Variants in SYNE2 observed in about 807,000 individuals in gnomAD.
SYNE2 encodes nesprin-2.
SYNE2 carries 431 observed loss-of-function variants against 856.3 expected under a neutral mutation model. The ratio of observed to expected loss-of-function variants is 0.50; its 90% CI spans 0.47 to 0.55. The LOEUF is 0.55. SYNE2 is among the 20% of genes least tolerant of loss of function. The pLI is 0.00. For synonymous variants in SYNE2, 2,923 were observed against 2,872.3 expected, an observed-to-expected ratio of 1.02 and a Z score of -0.56; for missense variants, 8,129 against 8,023.2, an observed-to-expected ratio of 1.01 and a Z score of -0.50.
At chr14:64,172,089 G>A (rs2098413969) in intron 94 of SYNE2, among the ~76,000 whole-genome samples, 1 of 152,136 alleles carries the variant, frequency 6.6e-6, no homozygotes, top group African/African-American at 2.4e-5. Context: ...GACCTCAGGT[G>A]ATCCACCCAC....
In SYNE2 at chr14:63,764,556, C is replaced by CTT. The variant is rs34093002; in HGVS notation, c.-305+2585_-305+2586dup. On this transcript the variant is annotated intron_variant, in intron 1 of 23. Transcript: ENST00000674003. ...AAAAAAAAAATCTGTTCTTTTGACTCTTTTTTTTTTTTTTTTGATTTATTT... is the reference window on the plus strand; with the variant it reads ...AAAAAAAAAATCTGTTCTTTTGACTCTTTTTTTTTTTTTTTTTTGATTTATTT... Among the ~76,000 whole-genome samples, 379 of 121,090 alleles carry CTT rather than the reference C, an allele frequency of 3.1e-3. 2 individuals are homozygous for CTT. In the Middle Eastern group the frequency reaches 0.035, roughly 11 times the overall value. The allele number at this position is 121,090 out of a possible 152,430, so 79.4% of individuals were successfully genotyped here.
intron 47 of SYNE2, 90 bp downstream of exon 47, chr14:64,049,966 T>C: frequency 1.4e-6 from 2 of 1,444,352 alleles, no homozygotes; most frequent in Non-Finnish European, 9.5e-7. Flanking sequence ...AGAGTTTATA[T>C]TGTGAAAGGA....
At chr14:64,181,472 C>T (rs1391236981) in intron 96 of SYNE2, among the ~76,000 whole-genome samples, 1 of 152,218 alleles carries the variant, frequency 6.6e-6, no homozygotes, top group African/African-American at 2.4e-5. Flanking sequence ...AAGTATCACA[C>T]TTCTCAGTTT....
chr14:63,930,151 G>A (rs2095729756), intron 2 of SYNE2, among the ~76,000 whole-genome samples: 2 of 152,032 alleles, frequency 1.3e-5, no homozygotes. Context: ...GCTGGGCATG[G>A]TGGCATTTGC....
At chr14:64,139,638 C>T (rs1443248591) in intron 79 of SYNE2, among the ~76,000 whole-genome samples, 1 of 151,966 alleles carries the variant, frequency 6.6e-6, no homozygotes, top group Non-Finnish European at 1.5e-5. Flanking sequence ...GTCTCGAACT[C>T]CTGACCTCAG....
chr14:64,069,951 G>A (rs2097391613), intron 51 of SYNE2, among the ~76,000 whole-genome samples: 1 of 152,236 alleles, frequency 6.6e-6, no homozygotes, highest in African/African-American at 2.4e-5. Flanking sequence ...TTTGATAAAT[G>A]AGTACTGCAG....
intron 71 of SYNE2, 38 bp from the exon 72 acceptor site, chr14:64,126,288 GT>G: frequency 6.3e-7 from 1 of 1,579,114 alleles, no homozygotes. Context: ...GAAGGCAAAG[GT>G]ATCTTAATTT....
At position 63,967,768 on chromosome 14, in the gene SYNE2, G is replaced by C; in HGVS notation, c.1050G>C (p.Leu350=). Reference sequence around the variant, plus strand: ...AAAAAAAGTCCTTTTTGGATGTCCTGTCAATAAAACGGGATCTGGATGAGC... The same window carrying C: ...AAAAAAAGTCCTTTTTGGATGTCCTCTCAATAAAACGGGATCTGGATGAGC... The part of the protein sequence containing the change: ...NEEKKSFLDV[L]SIKRDLDELD... Residue 350 remains leucine, a synonymous_variant, in exon 11 of 116, where the codon CTG becomes CTC. Coordinates refer to ENST00000555002, the MANE Select transcript of SYNE2 (RefSeq NM_182914.3). 6.2e-7 allele frequency: 1 copy of C among 1,614,102 alleles called. No individual in the cohort carries two copies. Among genetic ancestry groups the C allele is most frequent in the Non-Finnish European group, 8.5e-7 (1 of 1,179,950 alleles).
At chr14:64,182,535 G>A (rs571732750) in intron 96 of SYNE2, among the ~76,000 whole-genome samples, 7 of 152,170 alleles carry the variant, frequency 4.6e-5, no homozygotes, top group South Asian at 2.1e-4. Context: ...AGGACCCTGC[G>A]GCCTTCCTCA....
At chr14:63,802,337 T>TCTCA (rs1287082448) in intron 1 of SYNE2, among the ~76,000 whole-genome samples, 2 of 151,256 alleles carry the variant, frequency 1.3e-5, no homozygotes, top group African/African-American at 2.4e-5. Flanking sequence ...GAACTCCAGC[T>TCTCA]CTCAGGTGAT....
At chr14:63,833,212 A>AG (rs1041800157) in intron 1 of SYNE2, among the ~76,000 whole-genome samples, 5 of 152,004 alleles carry the variant, frequency 3.3e-5, no homozygotes, top group Non-Finnish European at 5.9e-5. Context: ...CTGTCCAAAA[A>AG]AAAAGAAAAG....
chr14:63,786,594 T>G (rs1047572478), intron 1 of SYNE2, among the ~76,000 whole-genome samples: 1 of 152,206 alleles, frequency 6.6e-6, no homozygotes, highest in East Asian at 1.9e-4. Flanking sequence ...GGTTTCCTAT[T>G]GCAGATGAGG....
intron 14 of SYNE2, among the ~76,000 whole-genome samples, chr14:63,979,929 G>T (rs2096573305): frequency 6.6e-6 from 1 of 151,474 alleles, no homozygotes; most frequent in South Asian, 2.1e-4. Flanking sequence ...AGAAATGAGG[G>T]GGGGAAGGAA....
chr14:63,978,610 G>T (rs569704145), intron 13 of SYNE2, among the ~76,000 whole-genome samples: 1 of 152,160 alleles, frequency 6.6e-6, no homozygotes, highest in African/African-American at 2.4e-5. Context: ...TTTGTCAGTC[G>T]GAGAATAGTT....
chr14:64,097,513 G>C (rs1595495658), intron 61 of SYNE2, among the ~76,000 whole-genome samples: 1 of 152,194 alleles, frequency 6.6e-6, no homozygotes, highest in Admixed American at 6.5e-5. Flanking sequence ...TATGCTTTGG[G>C]ACACAATGGA....
At chr14:64,167,719 G>T in intron 92 of SYNE2, 80 bp downstream of exon 92, 1 of 1,591,094 alleles carries the variant, frequency 6.3e-7, no homozygotes. Flanking sequence ...ATAAAACACA[G>T]GGAGTGTACC....
At chr14:63,970,476 G>A (rs182811936) in intron 11 of SYNE2, among the ~76,000 whole-genome samples, 2 of 152,154 alleles carry the variant, frequency 1.3e-5, no homozygotes, top group Non-Finnish European at 2.9e-5. Flanking sequence ...GGGATTACAG[G>A]CATGAACCAC....
chr14:63,784,293 C>G (rs1257019821), intron 1 of SYNE2, among the ~76,000 whole-genome samples: 2 of 150,308 alleles, frequency 1.3e-5, no homozygotes, highest in African/African-American at 4.9e-5. Flanking sequence ...GAGTTCGAGA[C>G]CAGCGTGTCC....
chr14:64,216,359 C>G lies in SYNE2; in HGVS notation c.19514C>G (p.Ala6505Gly). The G allele has an allele frequency of 6.2e-7, 1 of 1,614,204 alleles. No homozygotes were observed. The highest frequency in any genetic ancestry group is 8.5e-7 in the Non-Finnish European group (1 of 1,180,048). ...AGGAATGTTCCACCTGTTCCCCCTG[C>G]GTCCAGCACCCCTTATAAACCACCC... ...GDRNVPPVPP[A>G]SSTPYKPPYG... Residue 6505 changes from alanine to glycine, a missense_variant, in exon 108 of 116, where the codon GCG becomes GGG. Coordinates refer to ENST00000555002, the MANE Select transcript of SYNE2 (RefSeq NM_182914.3).
Sources: allele counts gnomAD v4.1 joint callset (sites outside exome capture counted in the v4.1 genomes callset), GRCh38; gene constraint gnomAD v4.1.1; transcripts MANE v1.5; gene names NCBI Gene and HGNC (gene_info 2026-07-23, HGNC 2026-07-21).